Variants in RNLS observed in about 807,000 individuals in gnomAD.
The protein encoded by RNLS is renalase.
RNLS carries 39 observed loss-of-function variants against 39.8 expected under a neutral mutation model. The ratio of observed to expected loss-of-function variants is 0.98; its 90% CI spans 0.76 to 1.28. The LOEUF is 1.28. Ranked by LOEUF, RNLS falls within the 50% of genes most tolerant of loss-of-function variation. RNLS has a pLI of 0.00. For missense variants in RNLS, 410 were observed against 413.3 expected (o/e 0.99, Z 0.07); for synonymous variants, 147 against 150.7 (o/e 0.98, Z 0.18).
the RNLS span, among the ~76,000 whole-genome samples, chr10:88,235,993 A>C: frequency 2.0e-5 from 3 of 152,030 alleles, no homozygotes; most frequent in African/African-American, 7.3e-5. Flanking sequence ...ATTATGTGAA[A>C]ATTTTGCTTG....
chr10:88,256,840 G>A, the RNLS span, among the ~76,000 whole-genome samples: 2 of 151,844 alleles, frequency 1.3e-5, no homozygotes, highest in African/African-American at 4.8e-5. Flanking sequence ...TGGGTTGAAG[G>A]GCCATTCACC....
intron 4 of RNLS, among the ~76,000 whole-genome samples, chr10:88,518,078 T>G (rs1846510152): frequency 6.6e-6 from 1 of 151,942 alleles, no homozygotes; most frequent in Non-Finnish European, 1.5e-5. Context: ...TGACTCTAGA[T>G]GCTTCTTCAT....
At chr10:88,568,617 A>T (rs1224705895) in intron 4 of RNLS, among the ~76,000 whole-genome samples, 1 of 152,020 alleles carries the variant, frequency 6.6e-6, no homozygotes, top group Non-Finnish European at 1.5e-5. Flanking sequence ...AGAGCATAAG[A>T]CAGAGACTCA....
intron 4 of RNLS, among the ~76,000 whole-genome samples, chr10:88,461,812 AAGAT>A (rs1842945074): frequency 6.6e-6 from 1 of 152,132 alleles, no homozygotes; most frequent in Admixed American, 6.6e-5. Context: ...AGCCCAAAGA[AAGAT>A]AAAGTTATTG....
intron 3 of RNLS, among the ~76,000 whole-genome samples, chr10:88,578,510 A>C (rs1481360846): frequency 6.6e-6 from 1 of 152,152 alleles, no homozygotes; most frequent in East Asian, 1.9e-4. Context: ...AGGGTCCAAC[A>C]AATCCTATAG....
chr10:88,193,521 T>G, the RNLS span, among the ~76,000 whole-genome samples: 1 of 152,118 alleles, frequency 6.6e-6, no homozygotes, highest in Non-Finnish European at 1.5e-5. Flanking sequence ...CCTCTGAATC[T>G]TTGCTTGAAT....
chr10:88,334,537 T>G (rs141068762), intron 5 of RNLS, among the ~76,000 whole-genome samples: 23 of 152,290 alleles, frequency 1.5e-4, no homozygotes, highest in Middle Eastern at 3.4e-3. Flanking sequence ...TACTGAGGTT[T>G]TATTGTACCT....
At chr10:88,193,514 C>T in the RNLS span, among the ~76,000 whole-genome samples, 8 of 152,128 alleles carry the variant, frequency 5.3e-5, no homozygotes, top group African/African-American at 1.9e-4. Flanking sequence ...ATTTCTGCCT[C>T]TGAATCTTTG....
chr10:88,261,959 G>A, the RNLS span, among the ~76,000 whole-genome samples: 1 of 152,170 alleles, frequency 6.6e-6, no homozygotes. Flanking sequence ...GCTTCACTGG[G>A]AAGGTGACAC....
intron 5 of RNLS, among the ~76,000 whole-genome samples, chr10:88,349,872 C>T (rs1190814600): frequency 1.3e-5 from 2 of 151,932 alleles, no homozygotes; most frequent in Admixed American, 6.6e-5. Context: ...TAGTATTTGA[C>T]AGCTGTTAAT....
intron 4 of RNLS, among the ~76,000 whole-genome samples, chr10:88,429,871 T>C (rs1855033055): frequency 6.6e-6 from 1 of 151,888 alleles, no homozygotes; most frequent in African/African-American, 2.4e-5. Context: ...ATGATTTCTA[T>C]TCGGTTCCGC....
At chr10:88,280,873 C>T (rs1206521391), downstream of RNLS, among the ~76,000 whole-genome samples, 1 of 152,028 alleles carries the variant, frequency 6.6e-6, no homozygotes, top group Non-Finnish European at 1.5e-5. Context: ...AAATGGTTTC[C>T]AAACCTCTCT....
intron 4 of RNLS, among the ~76,000 whole-genome samples, chr10:88,429,287 G>C (rs903740193): frequency 6.6e-6 from 1 of 151,916 alleles, no homozygotes; most frequent in African/African-American, 2.4e-5. Flanking sequence ...CAAAGCTGCT[G>C]TGTAATCAAG....
chr10:88,317,299 C>T (rs1417605930), intron 5 of RNLS, among the ~76,000 whole-genome samples: 1 of 152,198 alleles, frequency 6.6e-6, no homozygotes, highest in Admixed American at 6.5e-5. Flanking sequence ...GGGAGCAACA[C>T]TACTGACCTT....
At chr10:88,431,869 T>C (rs1328783015) in intron 4 of RNLS, among the ~76,000 whole-genome samples, 1 of 151,738 alleles carries the variant, frequency 6.6e-6, no homozygotes, top group African/African-American at 2.4e-5. Flanking sequence ...ACTGACAATG[T>C]CTTTATGGCC....
chr10:88,287,111 A>G (rs1302729169), intron 6 of RNLS, among the ~76,000 whole-genome samples: 6 of 152,108 alleles, frequency 3.9e-5, no homozygotes, highest in Non-Finnish European at 7.4e-5. Flanking sequence ...AGTTTTCTTA[A>G]AGCAGAAAAA....
intron 5 of RNLS, among the ~76,000 whole-genome samples, chr10:88,355,897 G>A (rs182305410): frequency 0.011 from 1,609 of 152,258 alleles, 13 homozygotes; most frequent in Non-Finnish European, 0.018. Context: ...TTACCTACTC[G>A]AACTTCAGCA....
chr10:88,331,263 T>C (rs1847092284), intron 5 of RNLS, among the ~76,000 whole-genome samples: 1 of 152,160 alleles, frequency 6.6e-6, no homozygotes, highest in South Asian at 2.1e-4. Flanking sequence ...AAATTAAATT[T>C]TTGGCAGTGT....
At chr10:88,501,212 C>T (rs1040234242) in intron 4 of RNLS, among the ~76,000 whole-genome samples, 3 of 152,000 alleles carry the variant, frequency 2.0e-5, no homozygotes, top group Non-Finnish European at 4.4e-5. Context: ...GATTTGATCA[C>T]CTGGGGATAT....
Sources: gnomAD v4.1 joint callset for allele counts (sites outside exome capture counted in the v4.1 genomes callset) on GRCh38, gnomAD v4.1.1 for gene constraint, MANE v1.5 for transcripts, NCBI Gene and HGNC (gene_info 2026-07-23, HGNC 2026-07-21) for gene names.